The following TRANK1 variants were observed in gnomAD, a reference collection of about 807,000 sequenced individuals.
TRANK1 encodes the protein tetratricopeptide repeat and ankyrin repeat containing 1.
A neutral mutation model predicts 266.0 loss-of-function variants in TRANK1; 198 were observed. The observed-to-expected ratio is 0.74, with a 90% CI of 0.66 to 0.84. The LOEUF is 0.84. TRANK1 is among the 40% of genes least tolerant of loss of function. The pLI is 0.00. For missense variants in TRANK1, 3,326 were observed against 3,634.6 expected (o/e 0.92, Z 2.18); for synonymous variants, 1,396 against 1,384.1 (o/e 1.01, Z -0.19).
chr3:36,898,965 A>G, intron 4 of TRANK1, 144 bp downstream of exon 4: 2 of 839,884 alleles, frequency 2.4e-6, no homozygotes, highest in Admixed American at 3.2e-5. Context: ...AATGCTTTCT[A>G]ATGTGTGAAC....
At chr3:36,880,778 T>A (rs1002377114) in intron 8 of TRANK1, 5 of 152,324 alleles carry the variant, frequency 3.3e-5, no homozygotes, top group African/African-American at 1.2e-4. Flanking sequence ...TTAGGGTACA[T>A]GTGCACAGCG....
At chr3:36,863,300 C>T (rs114628785) in intron 10 of TRANK1, among the ~76,000 whole-genome samples, 1,979 of 152,182 alleles carry the variant, frequency 0.013, 22 homozygotes, top group Non-Finnish European at 0.022. Context: ...AGATTTTTAC[C>T]AAATACCATT....
At chr3:36,852,048 T>C in intron 14 of TRANK1, 98 bp downstream of exon 14, 1 of 1,396,288 alleles carries the variant, frequency 7.2e-7, no homozygotes, top group South Asian at 1.5e-5. Context: ...GGACAGGGAC[T>C]ATTTTTAATG....
chr3:36,852,371 T>G, intron 13 of TRANK1, 26 bp from the exon 14 acceptor site: 2 of 1,527,918 alleles, frequency 1.3e-6, no homozygotes, highest in East Asian at 4.7e-5. Flanking sequence ...AAACCCAAGT[T>G]GGATAATTAA....
chr3:36,925,015 G>A (rs1259062289), intron 1 of TRANK1, among the ~76,000 whole-genome samples: 2 of 152,228 alleles, frequency 1.3e-5, no homozygotes, highest in Non-Finnish European at 2.9e-5. Context: ...CCTGATGGGA[G>A]AGAAACAAGG....
At chr3:36,890,520 G>C (rs916521560) in intron 7 of TRANK1, among the ~76,000 whole-genome samples, 2 of 152,288 alleles carry the variant, frequency 1.3e-5, no homozygotes, top group Middle Eastern at 3.4e-3. Flanking sequence ...TGTTGACAAA[G>C]AGCAACTCTC....
chr3:36,855,272 G>C lies in TRANK1; in HGVS notation c.4450C>G (p.Leu1484Val), dbSNP rs763772964. 2 of 1,614,084 alleles carry C rather than the reference G, an allele frequency of 1.2e-6. No homozygotes were observed. Among genetic ancestry groups the C allele is most frequent in the Admixed American group, 1.7e-5 (1 of 60,038 alleles). ...GTGTTTCTGCTGGCATAATGGAACA[G>C]AGAGCGCAGATCGCTGAAGCGGAAG... Reference protein sequence around the residue: ...VAFRFSDLRSLFHYASRNTID... With the variant: ...VAFRFSDLRSVFHYASRNTID... The change falls in exon 13 of 24, where the codon CTG (leucine) becomes GTG (valine). Residue 1484 changes from leucine to valine, a missense_variant. By Grantham distance (32) the Leu-to-Val change is conservative (BLOSUM62 1). Transcript: ENST00000645898.
intron 8 of TRANK1, among the ~76,000 whole-genome samples, chr3:36,883,478 G>A (rs1435476920): frequency 1.4e-5 from 2 of 143,410 alleles, no homozygotes; most frequent in South Asian, 2.2e-4. Context: ...AAAGAAAAGA[G>A]AAGAAAGAAA....
intron 1 of TRANK1, among the ~76,000 whole-genome samples, chr3:36,944,277 G>A (rs566351962): frequency 1.3e-5 from 2 of 152,290 alleles, no homozygotes; most frequent in African/African-American, 4.8e-5. Flanking sequence ...GGGCGGGCAG[G>A]GAAGAAGGCC....
intron 10 of TRANK1, among the ~76,000 whole-genome samples, chr3:36,861,704 CTTT>C (rs375054559): frequency 1.6e-5 from 2 of 124,114 alleles, no homozygotes; most frequent in Non-Finnish European, 3.3e-5. Flanking sequence ...GAGTAGAAAA[CTTT>C]TTTTTTTTTT....
intron 9 of TRANK1, among the ~76,000 whole-genome samples, chr3:36,869,587 G>T (rs1274342812): frequency 6.6e-6 from 1 of 152,206 alleles, no homozygotes; most frequent in Admixed American, 6.6e-5. Flanking sequence ...GATTAGGATG[G>T]GGAAGGATTA....
At chr3:36,938,023 T>C (rs1331749832) in intron 1 of TRANK1, among the ~76,000 whole-genome samples, 1 of 151,934 alleles carries the variant, frequency 6.6e-6, no homozygotes, top group Non-Finnish European at 1.5e-5. Context: ...TCCTCCTCAA[T>C]CTGAGGGGCA....
intron 8 of TRANK1, among the ~76,000 whole-genome samples, chr3:36,888,279 T>C (rs2079636450): frequency 6.6e-6 from 1 of 152,192 alleles, no homozygotes; most frequent in South Asian, 2.1e-4. Flanking sequence ...ACATGAAATA[T>C]CCAGAATAGG....
intron 17 of TRANK1, 121 bp from the exon 18 acceptor site, chr3:36,842,831 C>T (rs2078866040): frequency 1.2e-6 from 1 of 832,696 alleles, no homozygotes; most frequent in African/African-American, 1.7e-5. Context: ...AGTCCTAACT[C>T]CCGGTACCTC....
At chr3:36,940,651 G>A (rs1177842992) in intron 1 of TRANK1, among the ~76,000 whole-genome samples, 1 of 152,126 alleles carries the variant, frequency 6.6e-6, no homozygotes, top group East Asian at 1.9e-4. Context: ...TTCAGGAGCT[G>A]GGAAGTCTCT....
At chr3:36,870,554 C>CTA (rs2079292954) in intron 9 of TRANK1, among the ~76,000 whole-genome samples, 1 of 152,076 alleles carries the variant, frequency 6.6e-6, no homozygotes, top group African/African-American at 2.4e-5. Context: ...TCATGTTTCT[C>CTA]TATAGTCTTT....
intron 1 of TRANK1, among the ~76,000 whole-genome samples, chr3:36,917,321 G>T (rs1405593872): frequency 6.6e-6 from 1 of 151,946 alleles, no homozygotes; most frequent in Admixed American, 6.6e-5. Context: ...GAACCAAATA[G>T]AAATATATTC....
At position 36,861,111 on chromosome 3, in the gene TRANK1, G is replaced by A. The variant is rs755370380; in HGVS notation, c.1290C>T (p.Thr430=). 51 of 1,537,410 alleles carry A rather than the reference G, an allele frequency of 3.3e-5. No homozygotes were observed. The highest frequency in any genetic ancestry group is 1.5e-4 in the East Asian group (6 of 40,920). The change falls in exon 11 of 24, where the codon ACC becomes ACT. Residue 430 remains threonine (T), a synonymous_variant. Coordinates refer to ENST00000645898, the MANE Select transcript of TRANK1 (RefSeq NM_001329998.2). ...GTTTTTCCAATAAGAATTTGAAGAC[G>A]GTGGTGGCACAGTCTTGATTAATAT... is the stretch of plus-strand genomic sequence containing the variant. ...VCDINQDCAT[T]VFKFLLEKQR...
rs1559414215 is a variant in TRANK1, at chr3:36,833,323, C to A, written c.6260G>T (p.Gly2087Val). ...PEKILGLAPGGLEILLSLVRA... is the reference protein window; with the variant it reads ...PEKILGLAPGVLEILLSLVRA... ...GACCAGACTGAGGAGGATTTCCAAG[C>A]CCCCTGGAGCCAGGCCCAGAATCTT... The change falls in exon 22 of 24, where the codon GGC (glycine) becomes GTC (valine). Residue 2087 changes from glycine to valine, a missense_variant. Transcript: ENST00000645898. The A allele has an allele frequency of 6.2e-7, 1 of 1,613,976 alleles. No homozygotes were observed. Among genetic ancestry groups the A allele is most frequent in the Non-Finnish European group, 8.5e-7 (1 of 1,179,870 alleles).
Sources: allele counts gnomAD v4.1 joint callset (sites outside exome capture counted in the v4.1 genomes callset), GRCh38; gene constraint gnomAD v4.1.1; transcripts MANE v1.5; gene names NCBI Gene and HGNC (gene_info 2026-07-23, HGNC 2026-07-21).